FER: variants seen among roughly 807,000 people sequenced by gnomAD.
FER encodes the protein tyrosine-protein kinase Fer.
Under a neutral mutation model 111.0 loss-of-function variants are expected in FER, and 63 were observed. That is an observed-to-expected ratio of 0.57 (90% CI 0.46 to 0.70). The LOEUF (loss-of-function observed/expected upper bound fraction) is 0.70. FER is among the 30% of genes least tolerant of loss of function. The pLI is 0.00. For synonymous variants in FER, 327 were observed against 313.9 expected (o/e 1.04, Z -0.44); for missense variants, 914 against 954.0 (o/e 0.96, Z 0.55).
intron 10 of FER, among the ~76,000 whole-genome samples, chr5:108,911,960 A>G (rs1305901387): frequency 6.6e-6 from 1 of 152,166 alleles, no homozygotes; most frequent in Non-Finnish European, 1.5e-5. Context: ...TAATTGAATC[A>G]CGAGGGCAGT....
chr5:109,139,976 G>A (rs1029372812), intron 17 of FER, among the ~76,000 whole-genome samples: 3 of 152,118 alleles, frequency 2.0e-5, no homozygotes, highest in African/African-American at 7.2e-5. Context: ...AGAAATAAAA[G>A]CCAAAGCATT....
intron 17 of FER, among the ~76,000 whole-genome samples, chr5:109,167,653 T>C (rs1461777813): frequency 6.6e-6 from 1 of 152,336 alleles, no homozygotes; most frequent in African/African-American, 2.4e-5. Context: ...TTAAACCTTA[T>C]GTCAGAATTC....
intron 16 of FER, among the ~76,000 whole-genome samples, chr5:109,063,110 G>A (rs1581864360): frequency 8.2e-6 from 1 of 121,338 alleles, no homozygotes; most frequent in South Asian, 2.4e-4. Flanking sequence ...TATTTATATT[G>A]TTCTCATAAA....
intron 3 of FER, among the ~76,000 whole-genome samples, chr5:108,828,468 T>C (rs1759703343): frequency 6.6e-6 from 1 of 152,200 alleles, no homozygotes; most frequent in Non-Finnish European, 1.5e-5. Flanking sequence ...TCCTGTGGAA[T>C]TTTTGTCTAG....
At chr5:108,963,033 T>C (rs1402879408) in intron 13 of FER, among the ~76,000 whole-genome samples, 1 of 152,038 alleles carries the variant, frequency 6.6e-6, no homozygotes, top group South Asian at 2.1e-4. Context: ...TATCAAAAAC[T>C]ATTTGTTTCT....
At chr5:108,803,127 G>A (rs1756854164) in intron 3 of FER, among the ~76,000 whole-genome samples, 1 of 151,956 alleles carries the variant, frequency 6.6e-6, no homozygotes, top group Non-Finnish European at 1.5e-5. Flanking sequence ...GTGTTTGTTG[G>A]CCACTTGTAT....
intron 17 of FER, among the ~76,000 whole-genome samples, chr5:109,172,277 A>G (rs1462833087): frequency 6.6e-6 from 1 of 152,000 alleles, no homozygotes; most frequent in Non-Finnish European, 1.5e-5. Flanking sequence ...AATGTGGCAC[A>G]TATACACCAT....
intron 13 of FER, among the ~76,000 whole-genome samples, chr5:109,032,256 G>C (rs922261171): frequency 3.3e-5 from 5 of 152,228 alleles, no homozygotes; most frequent in African/African-American, 1.2e-4. Context: ...GCTAATGTTG[G>C]TGGGACTGTG....
At chr5:109,065,338 T>G (rs1774951877) in intron 16 of FER, among the ~76,000 whole-genome samples, 1 of 152,224 alleles carries the variant, frequency 6.6e-6, no homozygotes, top group African/African-American at 2.4e-5. Context: ...TTTTCCTGCT[T>G]GCACTGATGT....
At chr5:109,115,625 G>T (rs1169923211) in intron 17 of FER, among the ~76,000 whole-genome samples, 8 of 151,894 alleles carry the variant, frequency 5.3e-5, no homozygotes, top group Non-Finnish European at 4.4e-5. Flanking sequence ...TTTCCTGCTA[G>T]TAAGTTTCCA....
rs1309704289 is a variant in FER at position 108,844,119 on chromosome 5, C to CATATATGTGTGTGTGA, written c.481+8313_481+8314insTATATGTGTGTGTGAA. 2.1e-4 allele frequency among the ~76,000 whole-genome samples: 20 copies of CATATATGTGTGTGTGA among 94,718 alleles called. 1 individual carries two copies. Among genetic ancestry groups the CATATATGTGTGTGTGA allele is most frequent in the African/African-American group, 8.9e-4 (20 of 22,532 alleles). 62.1% of individuals were successfully genotyped at this position (94,718 alleles called of 152,430 possible). ...ATATGTGTGTGAACATGTGTGTGAA[C>CATATATGTGTGTGTGA]ACATATATGTGTGTGAACATATATG... On this transcript the variant is annotated intron_variant, in intron 5 of 19. Transcript: ENST00000281092.
intron 2 of FER, among the ~76,000 whole-genome samples, chr5:108,794,578 G>C (rs1462089918): frequency 7.3e-6 from 1 of 137,226 alleles, no homozygotes; most frequent in Admixed American, 8.8e-5. Context: ...GTGTGGTGCT[G>C]ATGAAATCCT....
At chr5:108,916,678 A>G (rs1027866360) in intron 10 of FER, among the ~76,000 whole-genome samples, 3 of 152,104 alleles carry the variant, frequency 2.0e-5, no homozygotes, top group Non-Finnish European at 4.4e-5. Flanking sequence ...TAAAATATTC[A>G]TAGTCTTTGC....
At chr5:108,966,608 G>A (rs1252731061) in intron 13 of FER, among the ~76,000 whole-genome samples, 4 of 151,816 alleles carry the variant, frequency 2.6e-5, no homozygotes, top group South Asian at 2.1e-4. Flanking sequence ...GGCTGGTCTC[G>A]AACTCGTGAC....
In FER at chr5:108,832,775, G is replaced by A; in HGVS notation, c.213G>A (p.Trp71Ter). The change falls in exon 4 of 20, where the codon TGG becomes TGA. Residue 71 changes from tryptophan (W) to a stop codon, truncating the protein, a stop_gained. Transcript: ENST00000281092. LOFTEE classifies it high-confidence loss of function. ...CTTTTTTTTTTTTTTTTAAGTCTTG[G>A]CTACTTATGATTCAGCAGACAGAAC... is the stretch of plus-strand genomic sequence containing the variant. ...MNYVSNVSKS[W>*]LLMIQQTEQL... is the part of the protein sequence containing the mutation. The A allele has an allele frequency of 1.4e-6, 2 of 1,458,418 alleles. No homozygotes were observed. Among genetic ancestry groups the A allele is most frequent in the East Asian group, 2.5e-5 (1 of 39,896 alleles). 90.3% of individuals were successfully genotyped at this position (1,458,418 alleles called of 1,614,324 possible). A position where few individuals can be genotyped will look rare whatever the true frequency, so the allele number is the denominator to read the frequency against.
intron 13 of FER, among the ~76,000 whole-genome samples, chr5:108,992,430 C>T (rs1366349115): frequency 2.0e-5 from 3 of 152,096 alleles, no homozygotes; most frequent in Admixed American, 1.3e-4. Flanking sequence ...CAGAGGGGCT[C>T]CTCACTTCCC....
chr5:108,935,794 G>T (rs1255288963), intron 10 of FER, among the ~76,000 whole-genome samples: 2 of 151,958 alleles, frequency 1.3e-5, no homozygotes, highest in African/African-American at 4.8e-5. Context: ...TTTGTTTATG[G>T]TCCAACTCTG....
chr5:108,860,549 G>C (rs1302995204), intron 5 of FER, among the ~76,000 whole-genome samples: 2 of 152,132 alleles, frequency 1.3e-5, no homozygotes, highest in African/African-American at 2.4e-5. Context: ...GAGTAAAAAA[G>C]GTAGCTCCTT....
chr5:108,943,495 A>G (rs1169347886), intron 10 of FER, among the ~76,000 whole-genome samples: 2 of 152,132 alleles, frequency 1.3e-5, no homozygotes, highest in Non-Finnish European at 2.9e-5. Flanking sequence ...ATAGGCAGTC[A>G]TTGGTTAGAG....
Sources: gnomAD v4.1 joint callset for allele counts (sites outside exome capture counted in the v4.1 genomes callset) on GRCh38, gnomAD v4.1.1 for gene constraint, MANE v1.5 for transcripts, NCBI Gene and HGNC (gene_info 2026-07-23, HGNC 2026-07-21) for gene names.